Variants in ARHGAP23 observed in about 807,000 individuals in gnomAD.
The protein encoded by ARHGAP23 is rho GTPase-activating protein 23.
Under a neutral mutation model 136.3 loss-of-function variants are expected in ARHGAP23, and 34 were observed. The observed-to-expected ratio is 0.25, with a 90% CI of 0.19 to 0.33. The LOEUF is 0.33. Ranked by LOEUF, ARHGAP23 falls within the 10% of genes least tolerant of loss-of-function variation. The probability of loss-of-function intolerance (pLI) is 1.00; values close to 1 mark genes in which losing one functional copy is unlikely to be tolerated. For synonymous variants in ARHGAP23, 832 were observed against 920.5 expected, an observed-to-expected ratio of 0.90 and a Z score of 1.74; for missense variants, 1,808 against 2,139.0, an observed-to-expected ratio of 0.85 and a Z score of 3.05.
At chr17:38,450,245 C>T (rs948549402) in intron 1 of ARHGAP23, 1 of 152,210 alleles carries the variant, frequency 6.6e-6, no homozygotes, top group African/African-American at 2.4e-5. Context: ...CAAAGTATCT[C>T]AGCTCCTGGC....
At position 38,490,103 on chromosome 17, in the gene ARHGAP23, C is replaced by G; in HGVS notation, c.2988C>G (p.Asp996Glu). Residue 996 changes from aspartate to glutamate, a missense_variant and splice_region_variant, in exon 18 of 24, where the codon GAC (aspartate) becomes GAG (glutamate). This residue lies in a region of ARHGAP23 where 105 missense variants were observed against 200.6 expected (regional missense o/e 0.52). Coordinates refer to ENST00000622683, the MANE Select transcript of ARHGAP23 (RefSeq NM_001199417.2). ...RKLPEPLFTDDKYNDFIEANR... is the reference protein window; with the variant it reads ...RKLPEPLFTDEKYNDFIEANR... ...TAAAGAGTCTCCGCTGTGTTCTAGA[C>G]AAATACAACGACTTCATCGAGGCCA... The G allele has an allele frequency of 1.3e-6, 2 of 1,551,646 alleles. No individual in the cohort carries two copies. The highest frequency in any genetic ancestry group is 1.7e-6 in the Non-Finnish European group (2 of 1,146,808).
At position 38,510,492 on chromosome 17, in the gene ARHGAP23, C is replaced by A; in HGVS notation, c.3996C>A (p.Gly1332=). The A allele has an allele frequency of 8.6e-7, 1 of 1,167,898 alleles. No individual in the cohort carries two copies. Among genetic ancestry groups the A allele is most frequent in the East Asian group, 3.9e-5 (1 of 25,846 alleles). The allele number at this position is 1,167,898 out of a possible 1,614,324, so 72.3% of individuals were successfully genotyped here. Residue 1332 remains glycine (G), a synonymous_variant, in exon 24 of 24, where the codon GGC becomes GGA. Transcript: ENST00000622683. The surrounding 1 kb of genome is among the most constrained non-coding windows in gnomAD (Gnocchi z 4.6). ...CCCGGGGCCGCCCAGACGGCGAGGG[C>A]GCGGGCCGGGGCGGTCCCCGCGCCC... The part of the protein sequence containing the change: ...RLARGRPDGE[G]AGRGGPRAPE...
intron 23 of ARHGAP23, 154 bp downstream of exon 23, chr17:38,500,782 G>A (rs2040502590): frequency 1.4e-6 from 1 of 714,824 alleles, no homozygotes; most frequent in African/African-American, 1.8e-5. Flanking sequence ...CCCAAGGTAA[G>A]CTGAGAAATT....
At chr17:38,462,372 G>C (rs1352597550) in intron 3 of ARHGAP23, among the ~76,000 whole-genome samples, 1 of 147,214 alleles carries the variant, frequency 6.8e-6, no homozygotes, top group Admixed American at 7.0e-5. Flanking sequence ...TCCTGCCTCA[G>C]CCTCCTGAGT....
At chr17:38,496,309 AT>A (rs57322408) in intron 20 of ARHGAP23, among the ~76,000 whole-genome samples, 2,041 of 150,048 alleles carry the variant, frequency 0.014, 14 homozygotes, top group Non-Finnish European at 0.021. Context: ...AAAATCTACA[AT>A]TTTTTTTTTT....
intron 1 of ARHGAP23, among the ~76,000 whole-genome samples, chr17:38,422,247 C>T (rs916459047): frequency 6.6e-6 from 1 of 152,146 alleles, no homozygotes; most frequent in African/African-American, 2.4e-5. Flanking sequence ...CTAATAATAC[C>T]CACCTTACAG....
intron 1 of ARHGAP23, among the ~76,000 whole-genome samples, chr17:38,452,148 C>T (rs1053966101): frequency 3.3e-5 from 5 of 152,126 alleles, no homozygotes; most frequent in African/African-American, 4.8e-5. Flanking sequence ...GTCCGCTCTG[C>T]TCCCTTCCCC....
At chr17:38,487,629 G>A (rs1418096736) in intron 17 of ARHGAP23, among the ~76,000 whole-genome samples, 1 of 152,180 alleles carries the variant, frequency 6.6e-6, no homozygotes, top group East Asian at 1.9e-4. Flanking sequence ...CACTTTGGAA[G>A]GCTGAGGCGG....
At chr17:38,465,140 G>A (rs1012221509) in intron 6 of ARHGAP23, among the ~76,000 whole-genome samples, 4 of 152,024 alleles carry the variant, frequency 2.6e-5, no homozygotes, top group Non-Finnish European at 5.9e-5. Flanking sequence ...CCGCCGTGAT[G>A]ATGCCGGGAG....
Position 38,478,008 on chromosome 17 carries a change from G to T in ARHGAP23, c.2436+112G>T. ...TCACTTCCCTCTGCTAGAAAGGGGG[G>T]CTGACAGGAGTGCACCTCGTGATTG... On this transcript the variant is annotated intron_variant, in intron 12 of 23. Transcript: ENST00000622683. The T allele has an allele frequency of 7.8e-6, 9 of 1,149,264 alleles. No individual in the cohort carries two copies. The South Asian group carries it at 9.9e-5, about 13-fold the overall frequency. The allele number at this position is 1,149,264 out of a possible 1,614,324, so 71.2% of individuals were successfully genotyped here.
At chr17:38,437,627 C>G (rs1207589835) in intron 1 of ARHGAP23, among the ~76,000 whole-genome samples, 1 of 151,850 alleles carries the variant, frequency 6.6e-6, no homozygotes, top group East Asian at 1.9e-4. Context: ...CCCCTACCCC[C>G]CCCAAAAAAT....
intron 1 of ARHGAP23, chr17:38,454,157 CG>C: frequency 6.6e-6 from 1 of 151,870 alleles, no homozygotes; most frequent in Non-Finnish European, 1.5e-5. Context: ...GCCGCGGGGC[CG>C]GGGCCGGGGC....
intron 10 of ARHGAP23, among the ~76,000 whole-genome samples, chr17:38,470,417 TGG>T (rs1321221468): frequency 6.6e-6 from 1 of 152,176 alleles, no homozygotes; most frequent in African/African-American, 2.4e-5. Context: ...CTTGTCTTCA[TGG>T]GATGGGGTCG....
chr17:38,465,078 G>C (rs1430568856), intron 6 of ARHGAP23, among the ~76,000 whole-genome samples: 6 of 151,918 alleles, frequency 3.9e-5, no homozygotes. Flanking sequence ...AGTGGTCAGT[G>C]GCGGGGTTAG....
chr17:38,445,391 C>T (rs2039010606), intron 1 of ARHGAP23, among the ~76,000 whole-genome samples: 1 of 150,994 alleles, frequency 6.6e-6, no homozygotes, highest in Non-Finnish European at 1.5e-5. Flanking sequence ...GCAGGAGAAT[C>T]GCTTGAACCG....
At chr17:38,423,147 C>G (rs1023311755) in intron 1 of ARHGAP23, among the ~76,000 whole-genome samples, 2 of 152,148 alleles carry the variant, frequency 1.3e-5, no homozygotes, top group African/African-American at 4.8e-5. Flanking sequence ...GGGACGGTTC[C>G]CTCCCTACCA....
At position 38,478,993 on chromosome 17, in the gene ARHGAP23, A is replaced by G. The variant is rs376572576; in HGVS notation, c.2437-443A>G. Among the ~76,000 whole-genome samples the G allele has an allele frequency of 1.2e-3, 177 of 152,220 alleles. 3 individuals carry two copies. In the South Asian group the frequency reaches 0.036, roughly 31 times the overall value. On this transcript the variant is annotated intron_variant, in intron 12 of 23. Coordinates refer to ENST00000622683, the MANE Select transcript of ARHGAP23 (RefSeq NM_001199417.2). Reference sequence around the variant, plus strand: ...TGCTCTCCCGGGAACAGCTTTCCCCACTGCAGGGAGGAAGGCACCTGGAAT... The same window carrying G: ...TGCTCTCCCGGGAACAGCTTTCCCCGCTGCAGGGAGGAAGGCACCTGGAAT...
At chr17:38,434,543 C>T (rs867013976) in intron 1 of ARHGAP23, among the ~76,000 whole-genome samples, 20 of 152,276 alleles carry the variant, frequency 1.3e-4, no homozygotes, top group Middle Eastern at 3.4e-3. Flanking sequence ...GAAACAGACC[C>T]GGCCTTGGCC....
chr17:38,462,604 G>A (rs2039488323), intron 3 of ARHGAP23, among the ~76,000 whole-genome samples: 1 of 152,180 alleles, frequency 6.6e-6, no homozygotes, highest in African/African-American at 2.4e-5. Context: ...GGACACAGGA[G>A]GTGTTTACGG....
Sources: allele counts gnomAD v4.1 joint callset (sites outside exome capture counted in the v4.1 genomes callset), GRCh38; gene constraint gnomAD v4.1.1; regional missense constraint gnomAD v4.1.1; non-coding constraint Gnocchi (gnomAD v3.1); transcripts MANE v1.5; gene names NCBI Gene and HGNC (gene_info 2026-07-23, HGNC 2026-07-21).